The following GLI2 variants were observed in gnomAD, a reference collection of about 807,000 sequenced individuals.
GLI2 encodes the protein transcription activator GLI2.
A neutral mutation model predicts 78.9 loss-of-function variants in GLI2; 22 were observed. That is an observed-to-expected ratio of 0.28 (90% CI 0.20 to 0.40). The LOEUF (loss-of-function observed/expected upper bound fraction) is 0.40, where lower values mean the gene tolerates loss of function less well. Among genes scored for constraint, GLI2 ranks in the 10% least tolerant of loss-of-function variants. The pLI is 1.00. For missense variants in GLI2, 2,097 were observed against 2,213.2 expected (o/e 0.95, Z 1.05); for synonymous variants, 974 against 963.7 (o/e 1.01, Z -0.20).
At chr2:120,973,494 C>T (rs998942516) in intron 8 of GLI2, among the ~76,000 whole-genome samples, 1 of 152,202 alleles carries the variant, frequency 6.6e-6, no homozygotes, top group African/African-American at 2.4e-5. Flanking sequence ...GGTTGTCCCC[C>T]CGTCGCTCAG....
rs115295175 is a variant in GLI2 at position 120,780,867 on chromosome 2, G to A, written c.-30-16424G>A. ...GCTTTCTGTCGTATTTCTGAGCTGT[G>A]TTACAGCTTCTGGACACCAGTGAGG... On this transcript the variant is annotated intron_variant, in intron 1 of 13. Transcript: ENST00000361492. Among the ~76,000 whole-genome samples, 1,355 of 152,322 alleles carry A rather than the reference G, an allele frequency of 8.9e-3. 23 individuals carry two copies. Among genetic ancestry groups the A allele is most frequent in the African/African-American group, 0.031 (1,269 of 41,568 alleles).
chr2:120,938,037 T>C (rs895130179), intron 3 of GLI2, among the ~76,000 whole-genome samples: 1 of 152,226 alleles, frequency 6.6e-6, no homozygotes, highest in African/African-American at 2.4e-5. Context: ...CGCCCATGGC[T>C]TTAAACCCTT....
intron 2 of GLI2, among the ~76,000 whole-genome samples, chr2:120,904,534 C>T (rs537324550): frequency 6.6e-6 from 1 of 152,292 alleles, no homozygotes; most frequent in South Asian, 2.1e-4. Flanking sequence ...TCTGTGTGAA[C>T]ATGTGTGAGC....
chr2:120,787,161 G>A (rs776082229), intron 1 of GLI2, among the ~76,000 whole-genome samples: 1 of 152,184 alleles, frequency 6.6e-6, no homozygotes, highest in Non-Finnish European at 1.5e-5. Context: ...CTGAGGGGGT[G>A]TCATAGTGGG....
At chr2:120,917,823 A>C (rs990561374) in intron 2 of GLI2, among the ~76,000 whole-genome samples, 1 of 151,928 alleles carries the variant, frequency 6.6e-6, no homozygotes, top group Non-Finnish European at 1.5e-5. Context: ...GTTCACCTGA[A>C]CTCCCAGACC....
Position 120,837,982 on chromosome 2 carries a change from G to A in GLI2, c.148+40514G>A, listed in dbSNP as rs554881631. Among the ~76,000 whole-genome samples, 22 of 152,206 alleles carry A rather than the reference G, an allele frequency of 1.4e-4. No individual in the cohort carries two copies. The South Asian group carries it at 2.1e-3, about 14-fold the overall frequency. ...GCTCTTTTTCTGCCCTTGTTCTACC[G>A]TGAGAACTTTAGGATCAACTTGTTA... On this transcript the variant is annotated intron_variant, in intron 2 of 13. Coordinates refer to ENST00000361492, the MANE Select transcript of GLI2 (RefSeq NM_001374353.1).
chr2:120,821,870 C>T (rs552860486), intron 2 of GLI2, among the ~76,000 whole-genome samples: 1 of 152,292 alleles, frequency 6.6e-6, no homozygotes, highest in Admixed American at 6.5e-5. Context: ...TGGGTCACAC[C>T]GAGCCTCCTT....
chr2:120,755,103 G>A (rs1683001786), intron 1 of GLI2, among the ~76,000 whole-genome samples: 1 of 152,074 alleles, frequency 6.6e-6, no homozygotes, highest in African/African-American at 2.4e-5. Flanking sequence ...TACCCGCCTT[G>A]GCCTCCCAAA....
chr2:120,803,747 C>G (rs920078679), intron 2 of GLI2, among the ~76,000 whole-genome samples: 1 of 152,232 alleles, frequency 6.6e-6, no homozygotes, highest in South Asian at 2.1e-4. Context: ...CTTAGACTCT[C>G]GTGACAATCA....
At chr2:120,759,863 G>A (rs1032037576) in intron 1 of GLI2, among the ~76,000 whole-genome samples, 1 of 152,178 alleles carries the variant, frequency 6.6e-6, no homozygotes, top group Non-Finnish European at 1.5e-5. Context: ...CAACTCATCA[G>A]CATACAAAAA....
chr2:120,906,590 C>T (rs1678545516), intron 2 of GLI2, among the ~76,000 whole-genome samples: 1 of 152,136 alleles, frequency 6.6e-6, no homozygotes, highest in African/African-American at 2.4e-5. Flanking sequence ...GCAGCCACCA[C>T]CCAATGTCTC....
chr2:120,956,929 G>A (rs1179746311), intron 5 of GLI2, among the ~76,000 whole-genome samples: 1 of 152,012 alleles, frequency 6.6e-6, no homozygotes, highest in African/African-American at 2.4e-5. Context: ...CTGACATCTC[G>A]CCTCCTCCAG....
At chr2:120,942,153 T>C (rs76767789) in intron 3 of GLI2, among the ~76,000 whole-genome samples, 3,826 of 152,272 alleles carry the variant, frequency 0.025, 175 homozygotes, top group African/African-American at 0.088. Flanking sequence ...CAATGCAACA[T>C]GCTTTCCATG....
chr2:120,754,634 C>T (rs950222089), intron 1 of GLI2, among the ~76,000 whole-genome samples: 22 of 152,118 alleles, frequency 1.4e-4, no homozygotes, highest in African/African-American at 5.3e-4. Flanking sequence ...GTTCATCATA[C>T]GGATATATCA....
chr2:120,810,356 C>G (rs1685178941), intron 2 of GLI2, among the ~76,000 whole-genome samples: 1 of 152,204 alleles, frequency 6.6e-6, no homozygotes, highest in Admixed American at 6.5e-5. Flanking sequence ...AGACTATAGC[C>G]CTCGGAAGTG....
chr2:120,976,364 C>T (rs1682458491), intron 9 of GLI2, among the ~76,000 whole-genome samples: 1 of 152,186 alleles, frequency 6.6e-6, no homozygotes, highest in South Asian at 2.1e-4. Context: ...GGAGTTTGTC[C>T]TCCCAAACAC....
At chr2:120,884,329 G>A (rs774606907) in intron 2 of GLI2, among the ~76,000 whole-genome samples, 5 of 152,186 alleles carry the variant, frequency 3.3e-5, no homozygotes, top group Non-Finnish European at 7.3e-5. Flanking sequence ...GGACAGTATT[G>A]CAGTCTTGGG....
chr2:120,831,283 C>T (rs1417775277), intron 2 of GLI2, among the ~76,000 whole-genome samples: 1 of 152,170 alleles, frequency 6.6e-6, no homozygotes, highest in African/African-American at 2.4e-5. Flanking sequence ...GCATTCAGTC[C>T]AGCGCTTGAT....
intron 1 of GLI2, among the ~76,000 whole-genome samples, chr2:120,795,067 A>G (rs1197716031): frequency 6.6e-6 from 1 of 152,068 alleles, no homozygotes; most frequent in Non-Finnish European, 1.5e-5. Flanking sequence ...TATTGTGTGG[A>G]TTTAAAAAAT....
Sources: gnomAD v4.1 joint callset for allele counts (sites outside exome capture counted in the v4.1 genomes callset) on GRCh38, gnomAD v4.1.1 for gene constraint, MANE v1.5 for transcripts, NCBI Gene and HGNC (gene_info 2026-07-23, HGNC 2026-07-21) for gene names.